The following SEC14L1 variants were observed in gnomAD, a reference collection of about 807,000 sequenced individuals.
The protein encoded by SEC14L1 is SEC14 like lipid binding 1.
SEC14L1 carries 48 observed loss-of-function variants against 85.3 expected under a neutral mutation model. The ratio of observed to expected loss-of-function variants is 0.56; its 90% CI spans 0.45 to 0.72. The LOEUF (loss-of-function observed/expected upper bound fraction) is 0.72. Among genes scored for constraint, SEC14L1 ranks in the 30% least tolerant of loss-of-function variants. SEC14L1 has a pLI of 0.00. For synonymous variants in SEC14L1, 391 were observed against 355.5 expected (o/e 1.10, Z -1.12); for missense variants, 682 against 921.4 (o/e 0.74, Z 3.36).
intron 7 of SEC14L1, 100 bp from the exon 8 acceptor site, chr17:77,196,102 A>T: frequency 1.2e-6 from 1 of 855,866 alleles, no homozygotes; most frequent in Non-Finnish European, 1.9e-6. Context: ...ATGTGCCTCT[A>T]GGACTCTAGG....
rs187104407 is a variant in SEC14L1, at chr17:77,129,100, G to A, written c.-135-13546G>A. ...ATGTTGCTGGCAACCAACTAGAGCGGTAGGCGGGACGATAATAATAATCTA... is the reference window on the plus strand; with the variant it reads ...ATGTTGCTGGCAACCAACTAGAGCGATAGGCGGGACGATAATAATAATCTA... On this transcript the variant is annotated intron_variant, in intron 3 of 19. Transcript: ENST00000392476. 3.4e-3 allele frequency among the ~76,000 whole-genome samples: 520 copies of A among 152,286 alleles called. 5 individuals carry two copies. Among genetic ancestry groups the A allele is most frequent in the Middle Eastern group, 0.01 (3 of 294 alleles).
In SEC14L1 at chr17:77,190,883, A is replaced by G; in HGVS notation, c.144A>G (p.Glu48=). 6.2e-7 allele frequency: 1 copy of G among 1,614,242 alleles called. No homozygotes were observed. The highest frequency in any genetic ancestry group is 8.5e-7 in the Non-Finnish European group (1 of 1,180,032). ...ACACTGTGAATGAATTCAAGAGCGA[A>G]GATGGGGCTATTCATGTCATTGAAA... ...GSDTVNEFKS[E]DGAIHVIERR... is the part of the protein sequence containing the mutation. Residue 48 remains glutamate (E), a synonymous_variant, in exon 4 of 17, where the codon GAA becomes GAG. Coordinates refer to ENST00000436233, the MANE Select transcript of SEC14L1 (RefSeq NM_001143998.2).
At chr17:77,158,798 CTTTTTTTTT>C (rs34186028) in intron 3 of SEC14L1, among the ~76,000 whole-genome samples, 53 of 39,222 alleles carry the variant, frequency 1.4e-3, no homozygotes, top group African/African-American at 3.9e-3. Context: ...GCTTTCTTTC[CTTTTTTTTT>C]TTTTTTTTTT....
At chr17:77,168,395 G>A (rs11867802) in intron 3 of SEC14L1, among the ~76,000 whole-genome samples, 4,423 of 152,234 alleles carry the variant, frequency 0.029, 210 homozygotes, top group African/African-American at 0.1. Flanking sequence ...AGAGGTAGGG[G>A]AGGTTTTGTG....
chr17:77,146,899 C>G (rs889043858), intron 3 of SEC14L1, among the ~76,000 whole-genome samples: 3 of 152,124 alleles, frequency 2.0e-5, no homozygotes, highest in African/African-American at 7.2e-5. Flanking sequence ...TCAGTATTTG[C>G]TTAATTTTTT....
At chr17:77,203,689 C>T (rs374856118) in intron 10 of SEC14L1, 31 bp downstream of exon 10, 2 of 1,562,526 alleles carry the variant, frequency 1.3e-6, no homozygotes, top group South Asian at 1.1e-5. Context: ...CTCCAGGTGC[C>T]ACTGTGGCGT....
chr17:77,143,526 C>A, intron 2 of SEC14L1, 41 bp from the exon 3 acceptor site: 1 of 1,255,868 alleles, frequency 8.0e-7, no homozygotes, highest in Non-Finnish European at 1.2e-6. Context: ...TAATTTGTTT[C>A]TGCATTGTGG....
intron 3 of SEC14L1, among the ~76,000 whole-genome samples, chr17:77,145,204 G>C (rs747789647): frequency 1.3e-5 from 2 of 151,798 alleles, no homozygotes; most frequent in Non-Finnish European, 2.9e-5. Flanking sequence ...ATGTTGGCCA[G>C]GCTGGTCTTG....
chr17:77,091,538 C>A (rs1462396866), intron 2 of SEC14L1, among the ~76,000 whole-genome samples: 1 of 152,228 alleles, frequency 6.6e-6, no homozygotes, highest in Non-Finnish European at 1.5e-5. Flanking sequence ...TCCAGAGCAG[C>A]CGCAAGCCAC....
intron 9 of SEC14L1, 77 bp downstream of exon 9, chr17:77,200,750 C>T: frequency 6.8e-7 from 1 of 1,461,962 alleles, no homozygotes; most frequent in Middle Eastern, 1.9e-4. Flanking sequence ...GGCCTCCTTC[C>T]CTGGAGTTGA....
intron 3 of SEC14L1, among the ~76,000 whole-genome samples, chr17:77,164,721 A>T (rs1974212154): frequency 6.6e-6 from 1 of 152,136 alleles, no homozygotes; most frequent in Non-Finnish European, 1.5e-5. Context: ...GGTGCGGGTG[A>T]GGGTGGTGGT....
At position 77,194,722 on chromosome 17, in the gene SEC14L1, G is replaced by A. The variant is rs866152173; in HGVS notation, c.520G>A (p.Gly174Ser). The change falls in exon 7 of 17, where the codon GGC (glycine) becomes AGC (serine). Residue 174 changes from glycine (G) to serine (S), a missense_variant. This residue lies in a region of SEC14L1 where 123 missense variants were observed against 100.6 expected (regional missense o/e 1.22). Transcript: ENST00000436233. ...CTACCTTCGCCAATTAGAAGAAGAAGGCATAACCTTTGTGCCCCGTTGGAG... is the reference window on the plus strand; with the variant it reads ...CTACCTTCGCCAATTAGAAGAAGAAAGCATAACCTTTGTGCCCCGTTGGAG... ...EYYLRQLEEE[G>S]ITFVPRWSPP... 13 of 1,614,098 alleles carry A rather than the reference G, an allele frequency of 8.1e-6. No individual in the cohort carries two copies. The highest frequency in any genetic ancestry group is 1.6e-4 in the Middle Eastern group (1 of 6,084).
chr17:77,144,045 C>T (rs1295309023), intron 3 of SEC14L1, among the ~76,000 whole-genome samples: 1 of 152,084 alleles, frequency 6.6e-6, no homozygotes, highest in Non-Finnish European at 1.5e-5. Flanking sequence ...GGTGAATTCA[C>T]TTTAGGTGGT....
chr17:77,101,182 CT>C (rs1240927369), intron 3 of SEC14L1, among the ~76,000 whole-genome samples: 205 of 145,858 alleles, frequency 1.4e-3, no homozygotes, highest in Middle Eastern at 7.0e-3. Flanking sequence ...TAGTCCCTCT[CT>C]TTTTTTTTTT....
chr17:77,214,155 G>A lies in SEC14L1; in HGVS notation c.*132G>A, dbSNP rs150482856. The A allele has an allele frequency of 1.8e-4, 255 of 1,442,302 alleles. 1 individual carries two copies. The African/African-American group carries it at 3.4e-3, about 19-fold the overall frequency. 89.3% of individuals were successfully genotyped at this position (1,442,302 alleles called of 1,614,324 possible). ...CTAGATAGCAAATAGCTCTCAGATG[G>A]TAAACGTAGTCGTTTGATCCCAAAA... On this transcript the variant is annotated 3_prime_UTR_variant, in exon 17 of 17. Transcript: ENST00000436233.
At chr17:77,128,119 G>A (rs1423985116) in intron 3 of SEC14L1, 1 of 152,210 alleles carries the variant, frequency 6.6e-6, no homozygotes, top group East Asian at 1.9e-4. Context: ...TCAACCATGG[G>A]TGCTTCCTGA....
intron 3 of SEC14L1, among the ~76,000 whole-genome samples, chr17:77,130,599 A>G (rs1179056811): frequency 6.6e-6 from 1 of 151,944 alleles, no homozygotes; most frequent in Non-Finnish European, 1.5e-5. Context: ...CTGGGATGAC[A>G]GGCGTGAGCC....
rs768372440 is a variant in SEC14L1 at position 77,215,207 on chromosome 17, C to A, written c.*1184C>A. On this transcript the variant is annotated 3_prime_UTR_variant, in exon 17 of 17. Coordinates refer to ENST00000436233, the MANE Select transcript of SEC14L1 (RefSeq NM_001143998.2). ...GAATATGGGATTTGTTTGCCTTTTA[C>A]ATTTTGTTTAATTCCTGATTTTAAA... 5.1e-6 allele frequency: 5 copies of A among 985,376 alleles called. No individual in the cohort carries two copies. Among genetic ancestry groups the A allele is most frequent in the Non-Finnish European group, 6.0e-6 (5 of 829,928 alleles). The allele number at this position is 985,376 out of a possible 1,614,324, so 61.0% of individuals were successfully genotyped here. A position where few individuals can be genotyped will look rare whatever the true frequency, so the allele number is the denominator to read the frequency against.
intron 3 of SEC14L1, among the ~76,000 whole-genome samples, chr17:77,146,600 TCTC>T (rs1289880173): frequency 1.3e-5 from 2 of 152,058 alleles, no homozygotes; most frequent in Non-Finnish European, 2.9e-5. Flanking sequence ...CTTTCTTTCT[TCTC>T]CTTTTTTTTC....
Sources: allele counts gnomAD v4.1 joint callset (sites outside exome capture counted in the v4.1 genomes callset), GRCh38; gene constraint gnomAD v4.1.1; regional missense constraint gnomAD v4.1.1; transcripts MANE v1.5; gene names NCBI Gene and HGNC (gene_info 2026-07-23, HGNC 2026-07-21).